The following DMRT3 variants were observed in gnomAD, a reference collection of about 807,000 sequenced individuals.
DMRT3 encodes doublesex and mab-3 related transcription factor 3, also known as doublesex- and mab-3-related transcription factor 3.
Under a neutral mutation model 34.9 loss-of-function variants are expected in DMRT3, and 29 were observed. The observed-to-expected ratio is 0.83, with a 90% CI of 0.62 to 1.13. The LOEUF is 1.13. DMRT3 is among the 50% of genes most tolerant of loss of function. DMRT3 has a pLI of 0.00. For missense variants in DMRT3, 772 were observed against 629.1 expected, an observed-to-expected ratio of 1.23 and a Z score of -2.43; for synonymous variants, 350 against 286.0, an observed-to-expected ratio of 1.22 and a Z score of -2.26.
In DMRT3 at chr9:976,979, C is replaced by T; in HGVS notation, c.-23C>T. Reference sequence around the variant, plus strand: ...TGGCCCTCTCCCGCAGCCAGGCTGCCAACTCATTCGGGAGCCCGGGGCATG... The same window carrying T: ...TGGCCCTCTCCCGCAGCCAGGCTGCTAACTCATTCGGGAGCCCGGGGCATG... On this transcript the variant is annotated 5_prime_UTR_variant, in exon 1 of 2. Coordinates refer to ENST00000190165, the MANE Select transcript of DMRT3 (RefSeq NM_021240.4). The surrounding 1 kb of genome is among the most constrained non-coding windows in gnomAD (Gnocchi z 4.5). The T allele has an allele frequency of 1.4e-6, 2 of 1,461,986 alleles. No homozygotes were observed. Among genetic ancestry groups the T allele is most frequent in the Non-Finnish European group, 9.1e-7 (1 of 1,104,598 alleles). 90.6% of individuals were successfully genotyped at this position (1,461,986 alleles called of 1,614,324 possible).
At chr9:978,453 C>T (rs931777976) in intron 1 of DMRT3, among the ~76,000 whole-genome samples, 1 of 152,196 alleles carries the variant, frequency 6.6e-6, no homozygotes, top group African/African-American at 2.4e-5. Flanking sequence ...CACCTTCTCC[C>T]GGAAGGGGGC....
At position 991,467 on chromosome 9, in the gene DMRT3, A is replaced by C. The variant is rs1436024099; in HGVS notation, c.*462A>C. ...CAGGGACATTATATTCTTACACTAA[A>C]AATCCTTGCATTTTAAAGAGAGATG... On this transcript the variant is annotated 3_prime_UTR_variant, in exon 2 of 2. Transcript: ENST00000190165. 6.5e-5 allele frequency: 10 copies of C among 154,814 alleles called. No homozygotes were observed. The highest frequency in any genetic ancestry group is 1.3e-4 in the Non-Finnish European group (9 of 69,598). The allele number at this position is 154,814 out of a possible 1,614,324, so 9.6% of individuals were successfully genotyped here.
intron 1 of DMRT3, among the ~76,000 whole-genome samples, chr9:979,797 C>T (rs1316728903): frequency 2.6e-5 from 4 of 152,096 alleles, no homozygotes; most frequent in East Asian, 3.8e-4. Context: ...GGTATTATAC[C>T]CTTTTTGCAG....
chr9:990,558 G>A lies in DMRT3; in HGVS notation c.972G>A (p.Ser324=), dbSNP rs774659492. 24 of 1,613,852 alleles carry A rather than the reference G, an allele frequency of 1.5e-5. No homozygotes were observed. The highest frequency in any genetic ancestry group is 9.4e-5 in the African/African-American group (7 of 74,846). Residue 324 remains serine, a synonymous_variant, in exon 2 of 2, where the codon TCG becomes TCA. Transcript: ENST00000190165. ...FEHTLSSYPI[S]SSKWSVGSAF... is the part of the protein sequence containing the mutation. ...ACACCTTGAGCTCCTACCCCATCTC[G>A]TCTTCCAAATGGTCTGTGGGATCAG...
At chr9:989,154 A>G (rs1283512578) in intron 1 of DMRT3, among the ~76,000 whole-genome samples, 1 of 152,244 alleles carries the variant, frequency 6.6e-6, no homozygotes, top group Non-Finnish European at 1.5e-5. Context: ...GGCTTTAAAA[A>G]AAGGTATCTT....
chr9:977,931 CTGGCTG>C (rs1820172655), intron 1 of DMRT3, among the ~76,000 whole-genome samples: 1 of 152,096 alleles, frequency 6.6e-6, no homozygotes, highest in African/African-American at 2.4e-5. Context: ...CTGAGTCGAG[CTGGCTG>C]TGCTTCTCGG....
chr9:987,740 C>T (rs934139767), intron 1 of DMRT3, among the ~76,000 whole-genome samples: 3 of 151,922 alleles, frequency 2.0e-5, no homozygotes, highest in Non-Finnish European at 2.9e-5. Context: ...ATACTTGGTG[C>T]TGATAATTAC....
At chr9:980,757 G>C (rs115669077) in intron 1 of DMRT3, among the ~76,000 whole-genome samples, 2 of 152,192 alleles carry the variant, frequency 1.3e-5, no homozygotes, top group African/African-American at 4.8e-5. Context: ...GTTTTAATCA[G>C]CCTAGCCAGC....
chr9:978,127 A>G (rs1820175886), intron 1 of DMRT3, among the ~76,000 whole-genome samples: 1 of 152,216 alleles, frequency 6.6e-6, no homozygotes, highest in African/African-American at 2.4e-5. Flanking sequence ...ATAGCGGGAA[A>G]AGAATCTGAT....
intron 1 of DMRT3, among the ~76,000 whole-genome samples, chr9:983,516 C>A (rs1249100475): frequency 6.6e-6 from 1 of 152,086 alleles, no homozygotes. Flanking sequence ...AAACTGTATG[C>A]CTCTCAGTGG....
At chr9:983,739 A>T (rs977108072) in intron 1 of DMRT3, among the ~76,000 whole-genome samples, 2 of 152,058 alleles carry the variant, frequency 1.3e-5, no homozygotes, top group Non-Finnish European at 2.9e-5. Flanking sequence ...ATCAAAACTA[A>T]TTTTTTACAA....
At chr9:985,301 G>C (rs1820269937) in intron 1 of DMRT3, among the ~76,000 whole-genome samples, 2 of 152,048 alleles carry the variant, frequency 1.3e-5, no homozygotes, top group Non-Finnish European at 2.9e-5. Context: ...CATCTACCGG[G>C]GTAAAAATAT....
intron 1 of DMRT3, among the ~76,000 whole-genome samples, chr9:986,852 C>T (rs1820290708): frequency 6.7e-6 from 1 of 149,022 alleles, no homozygotes; most frequent in Non-Finnish European, 1.5e-5. Context: ...GACCATGCCA[C>T]TGCACTCCAG....
chr9:977,474 C>T lies in DMRT3; in HGVS notation c.454+19C>T, dbSNP rs1229939434. On this transcript the variant is annotated intron_variant, in intron 1 of 1. Transcript: ENST00000190165. ...AAGCCAGGTAAGAGCGTCTGAGGTG[C>T]GGGAGTTTGGCCGGGCGCGGGGGCA... is the stretch of plus-strand genomic sequence containing the variant. 1.5e-5 allele frequency: 19 copies of T among 1,277,188 alleles called. No homozygotes were observed. The highest frequency in any genetic ancestry group is 1.8e-5 in the Non-Finnish European group (18 of 1,011,046). The allele number at this position is 1,277,188 out of a possible 1,614,324, so 79.1% of individuals were successfully genotyped here.
chr9:978,667 G>T (rs1820180800), intron 1 of DMRT3, among the ~76,000 whole-genome samples: 1 of 152,196 alleles, frequency 6.6e-6, no homozygotes, highest in South Asian at 2.1e-4. Flanking sequence ...GTGAGTCAAC[G>T]GGTGACTGGC....
Position 976,993 on chromosome 9 carries a change from G to A in DMRT3, c.-9G>A. 6.8e-7 allele frequency: 1 copy of A among 1,480,094 alleles called. No individual in the cohort carries two copies. The highest frequency in any genetic ancestry group is 9.0e-7 in the Non-Finnish European group (1 of 1,113,604). The allele number at this position is 1,480,094 out of a possible 1,614,324, so 91.7% of individuals were successfully genotyped here. ...AGCCAGGCTGCCAACTCATTCGGGA[G>A]CCCGGGGCATGAACGGCTACGGCTC... On this transcript the variant is annotated 5_prime_UTR_variant, in exon 1 of 2. Transcript: ENST00000190165. This position sits in a 1 kb window ranked among gnomAD's most constrained non-coding sequence, Gnocchi z 4.5.
rs1472721136 is a variant in DMRT3, at chr9:977,237, C to T, written c.236C>T (p.Ala79Val). The change falls in exon 1 of 2, where the codon GCC becomes GTC. Residue 79 changes from alanine (A) to valine (V), a missense_variant. By Grantham distance (64) the Ala-to-Val change is moderately conservative. Transcript: ENST00000190165. ...AAQVALRRQQANESLESLIPD... is the reference protein window; with the variant it reads ...AAQVALRRQQVNESLESLIPD... ...CAGGTGGCGCTGCGCCGGCAGCAGG[C>T]CAACGAGAGCTTGGAGAGCCTCATC... 6 of 1,598,748 alleles carry T rather than the reference C, an allele frequency of 3.8e-6. No individual in the cohort carries two copies. In the East Asian group the frequency reaches 9.1e-5, roughly 24 times the overall value.
Position 990,660 on chromosome 9 carries a change from G to A in DMRT3, c.1074G>A (p.Leu358=), listed in dbSNP as rs368732504. 8.4e-5 allele frequency: 136 copies of A among 1,614,044 alleles called. 1 individual carries two copies. The South Asian group carries it at 1.4e-3, about 16-fold the overall frequency. The change falls in exon 2 of 2, where the codon CTG becomes CTA. Residue 358 remains leucine, a synonymous_variant. Transcript: ENST00000190165. ...TCCCCAGTCCCTTGGCTGGGCCTCT[G>A]CAGCCCCCTTTCCCCCAGCCACCCC... ...NVVPSPLAGP[L]QPPFPQPPRY... is the part of the protein sequence containing the mutation.
rs112075530 is a variant in DMRT3 at position 976,813 on chromosome 9, C to T, written c.-189C>T. ...GTGAGCTGGGAGGCCGAGCTGTGAG[C>T]GCGAAGGGAGCTGGAGAGACGACTG... On this transcript the variant is annotated 5_prime_UTR_variant, in exon 1 of 2. Transcript: ENST00000190165. The surrounding 1 kb of genome is among the most constrained non-coding windows in gnomAD (Gnocchi z 4.5). Among the ~76,000 whole-genome samples, 1,347 of 152,246 alleles carry T rather than the reference C, an allele frequency of 8.8e-3. 20 individuals are homozygous for T. The highest frequency in any genetic ancestry group is 0.03 in the African/African-American group (1,257 of 41,550).
Sources: gnomAD v4.1 joint callset for allele counts (sites outside exome capture counted in the v4.1 genomes callset) on GRCh38, gnomAD v4.1.1 for gene constraint, Gnocchi (gnomAD v3.1) non-coding constraint, MANE v1.5 for transcripts, NCBI Gene and HGNC (gene_info 2026-07-23, HGNC 2026-07-21) for gene names.